The following SMARCC1 variants were observed in gnomAD, a reference collection of about 807,000 sequenced individuals.
The protein encoded by SMARCC1 is SWI/SNF complex subunit SMARCC1.
In SMARCC1, 43 loss-of-function variants were observed where a neutral mutation model predicts 147.4. The observed-to-expected ratio is 0.29, with a 90% CI of 0.23 to 0.38. The LOEUF (loss-of-function observed/expected upper bound fraction) is 0.38, where lower values mean the gene tolerates loss of function less well. Ranked by LOEUF, SMARCC1 falls within the 10% of genes least tolerant of loss-of-function variation. SMARCC1 has a pLI of 1.00. For synonymous variants in SMARCC1, 495 were observed against 484.4 expected, an observed-to-expected ratio of 1.02 and a Z score of -0.29; for missense variants, 1,119 against 1,381.1, an observed-to-expected ratio of 0.81 and a Z score of 3.01.
chr3:47,775,499 G>A (rs1365972979), intron 1 of SMARCC1, among the ~76,000 whole-genome samples: 2 of 148,900 alleles, frequency 1.3e-5, no homozygotes, highest in African/African-American at 2.5e-5. Flanking sequence ...GGCCAGGCGC[G>A]GTGGTGGCTC....
chr3:47,658,891 G>A (rs1047763769), intron 21 of SMARCC1, among the ~76,000 whole-genome samples: 5 of 152,040 alleles, frequency 3.3e-5, no homozygotes, highest in African/African-American at 7.2e-5. Flanking sequence ...AGACCGAGGC[G>A]GGTGGATCAC....
chr3:47,617,057 T>C (rs534409685), intron 25 of SMARCC1, among the ~76,000 whole-genome samples: 1 of 152,326 alleles, frequency 6.6e-6, no homozygotes, highest in East Asian at 1.9e-4. Context: ...TATTGATTCA[T>C]AATAGGATGA....
intron 1 of SMARCC1, among the ~76,000 whole-genome samples, chr3:47,773,662 G>GT (rs2034941446): frequency 6.6e-6 from 1 of 151,332 alleles, no homozygotes; most frequent in Non-Finnish European, 1.5e-5. Context: ...ACAGAGTCTT[G>GT]TTTTTCACCC....
intron 3 of SMARCC1, among the ~76,000 whole-genome samples, chr3:47,744,009 C>A (rs1275061028): frequency 1.3e-5 from 2 of 152,162 alleles, no homozygotes; most frequent in East Asian, 3.9e-4. Flanking sequence ...CAGTAGGGTA[C>A]AAACCATCTC....
chr3:47,669,840 C>T (rs2033472564), intron 19 of SMARCC1, among the ~76,000 whole-genome samples: 1 of 152,186 alleles, frequency 6.6e-6, no homozygotes, highest in Non-Finnish European at 1.5e-5. Context: ...AGTACAGCAA[C>T]CAAAATGTCA....
chr3:47,616,856 T>C (rs2032652310), intron 25 of SMARCC1, among the ~76,000 whole-genome samples: 1 of 152,204 alleles, frequency 6.6e-6, no homozygotes, highest in South Asian at 2.1e-4. Context: ...TTTTGAGTCT[T>C]AATTTCTGAA....
At chr3:47,627,058 G>T (rs2032821018) in intron 24 of SMARCC1, among the ~76,000 whole-genome samples, 1 of 152,142 alleles carries the variant, frequency 6.6e-6, no homozygotes, top group Admixed American at 6.6e-5. Flanking sequence ...AAAATTATGA[G>T]ATTTAATAAA....
chr3:47,620,050 G>A (rs1246416685), intron 25 of SMARCC1, among the ~76,000 whole-genome samples: 1 of 152,212 alleles, frequency 6.6e-6, no homozygotes, highest in Non-Finnish European at 1.5e-5. Flanking sequence ...TTTGGAGTCA[G>A]AATCTCTCAT....
At position 47,663,913 on chromosome 3, in the gene SMARCC1, C is replaced by T. The variant is rs536752892; in HGVS notation, c.1900-1321G>A. The T allele has an allele frequency of 1.9e-5, 28 of 1,460,924 alleles. 1 individual carries two copies. The Middle Eastern group carries it at 1.0e-3, about 55-fold the overall frequency. The allele number at this position is 1,460,924 out of a possible 1,614,324, so 90.5% of individuals were successfully genotyped here. On this transcript the variant is annotated intron_variant, in intron 19 of 27. Coordinates refer to ENST00000254480, the MANE Select transcript of SMARCC1 (RefSeq NM_003074.4). The stretch of plus-strand genomic sequence containing the variant: ...CCATCTTGCTGGGTCTAGCTGTCAC[C>T]GCTATGAAGTCTCAACCCTGAGCCC...
In SMARCC1 at chr3:47,636,055, G is replaced by T; in HGVS notation, c.2458C>A (p.Gln820Lys). The change falls in exon 23 of 28, where the codon CAG becomes AAG. Residue 820 changes from glutamine to lysine, a missense_variant. Gln to Lys is a moderately conservative substitution (Grantham distance 53). Coordinates refer to ENST00000254480, the MANE Select transcript of SMARCC1 (RefSeq NM_003074.4). Reference protein sequence around the residue: ...GENEKNSEKEQDSEVSEDTKS... With the variant: ...GENEKNSEKEKDSEVSEDTKS... ...GTATCCTCACTCACTTCACTATCCTGTTCCTTTTCACTATTTTTTTCATTT... is the reference window on the plus strand; with the variant it reads ...GTATCCTCACTCACTTCACTATCCTTTTCCTTTTCACTATTTTTTTCATTT... 1.3e-6 allele frequency: 2 copies of T among 1,599,112 alleles called. No individual in the cohort carries two copies. The highest frequency in any genetic ancestry group is 1.7e-6 in the Non-Finnish European group (2 of 1,167,296).
intron 11 of SMARCC1, among the ~76,000 whole-genome samples, chr3:47,698,170 A>T (rs770564660): frequency 6.6e-6 from 1 of 151,874 alleles, no homozygotes; most frequent in Non-Finnish European, 1.5e-5. Context: ...AGTTGATTCA[A>T]CCACTACAAA....
intron 1 of SMARCC1, among the ~76,000 whole-genome samples, chr3:47,774,242 T>C (rs1454605698): frequency 6.6e-6 from 1 of 150,430 alleles, no homozygotes; most frequent in African/African-American, 2.4e-5. Context: ...TTTACTTTTT[T>C]TTTTTTTTTT....
intron 24 of SMARCC1, among the ~76,000 whole-genome samples, chr3:47,625,148 T>C (rs1301518211): frequency 7.1e-6 from 1 of 140,706 alleles, no homozygotes; most frequent in Non-Finnish European, 1.6e-5. Context: ...TATGTTGGAA[T>C]TTTTTTTTTT....
At chr3:47,742,131 A>G (rs1208360019) in intron 3 of SMARCC1, among the ~76,000 whole-genome samples, 1 of 151,930 alleles carries the variant, frequency 6.6e-6, no homozygotes, top group African/African-American at 2.4e-5. Context: ...CAGCCTAATG[A>G]TTATAGTTCT....
At chr3:47,730,314 C>T (rs1296494690) in intron 5 of SMARCC1, among the ~76,000 whole-genome samples, 1 of 152,130 alleles carries the variant, frequency 6.6e-6, no homozygotes, top group Non-Finnish European at 1.5e-5. Flanking sequence ...ACAGTGAGAC[C>T]TTGTCTCAAA....
chr3:47,729,168 C>A, intron 5 of SMARCC1, 74 bp from the exon 6 acceptor site: 1 of 877,658 alleles, frequency 1.1e-6, no homozygotes, highest in Non-Finnish European at 1.8e-6. Flanking sequence ...GATACAAATT[C>A]CATACAAATT....
At chr3:47,735,284 T>C (rs1393243301) in intron 5 of SMARCC1, among the ~76,000 whole-genome samples, 1 of 152,016 alleles carries the variant, frequency 6.6e-6, no homozygotes, top group Non-Finnish European at 1.5e-5. Context: ...TCCATAGCAA[T>C]GACTTTATTA....
At position 47,685,011 on chromosome 3, in the gene SMARCC1, GC is replaced by G. The variant is rs145789859; in HGVS notation, c.1385+1037del. Among the ~76,000 whole-genome samples the G allele has an allele frequency of 2.3e-3, 347 of 152,246 alleles. 1 individual carries two copies. The highest frequency in any genetic ancestry group is 3.6e-3 in the Non-Finnish European group (248 of 68,006). On this transcript the variant is annotated intron_variant, in intron 14 of 27. Transcript: ENST00000254480. ...TTGTTCTTATCATAGATCTTAGCAA[GC>G]TCAGCACACAATTCTTTTTAAGTCG...
At chr3:47,667,400 T>C (rs1023107466) in intron 19 of SMARCC1, among the ~76,000 whole-genome samples, 1 of 151,868 alleles carries the variant, frequency 6.6e-6, no homozygotes, top group Non-Finnish European at 1.5e-5. Flanking sequence ...TTTGCAGGCA[T>C]AGCCTTTATG....
Sources: allele counts gnomAD v4.1 joint callset (sites outside exome capture counted in the v4.1 genomes callset), GRCh38; gene constraint gnomAD v4.1.1; transcripts MANE v1.5; gene names NCBI Gene and HGNC (gene_info 2026-07-23, HGNC 2026-07-21).